Variants in SLIT3 observed in about 807,000 individuals in gnomAD.
SLIT3 encodes slit guidance ligand 3, also known as slit homolog 3 protein.
SLIT3 carries 68 observed loss-of-function variants against 184.0 expected under a neutral mutation model. The ratio of observed to expected loss-of-function variants is 0.37; its 90% CI spans 0.30 to 0.45. The LOEUF (loss-of-function observed/expected upper bound fraction) is 0.45. SLIT3 is among the 20% of genes least tolerant of loss of function. SLIT3 has a pLI of 1.00. For synonymous variants in SLIT3, 831 were observed against 828.6 expected (o/e 1.00, Z -0.05); for missense variants, 1,707 against 2,026.0 (o/e 0.84, Z 3.02).
rs184951894 is a variant in SLIT3, at chr5:169,002,827, T to C, written c.414-119491A>G. On this transcript the variant is annotated intron_variant, in intron 4 of 35. Coordinates refer to ENST00000519560, the MANE Select transcript of SLIT3 (RefSeq NM_003062.4). ...CTGTTTACTTGTTTTACCTTATCCA[T>C]TAATGACTCTTATTTAAACATCTGT... 2.0e-5 allele frequency among the ~76,000 whole-genome samples: 3 copies of C among 152,392 alleles called. No homozygotes were observed. The East Asian group carries it at 5.8e-4, about 29-fold the overall frequency.
At chr5:168,672,644 T>G (rs945616929) in intron 33 of SLIT3, among the ~76,000 whole-genome samples, 1 of 152,030 alleles carries the variant, frequency 6.6e-6, no homozygotes, top group Non-Finnish European at 1.5e-5. Flanking sequence ...CCCAGCTAAT[T>G]TAAATATTTT....
At chr5:168,716,516 CTA>C (rs1480026567) in intron 23 of SLIT3, among the ~76,000 whole-genome samples, 3 of 152,256 alleles carry the variant, frequency 2.0e-5, no homozygotes, top group Non-Finnish European at 4.4e-5. Flanking sequence ...GACTCCTCCT[CTA>C]TGTTTTTGAG....
At chr5:168,997,143 C>A (rs1056067378) in intron 4 of SLIT3, among the ~76,000 whole-genome samples, 15 of 152,212 alleles carry the variant, frequency 9.9e-5, no homozygotes, top group African/African-American at 3.6e-4. Flanking sequence ...ATCGCGTGCC[C>A]CTTCTCTAAG....
At position 169,073,125 on chromosome 5, in the gene SLIT3, T is replaced by C. The variant is rs182829949; in HGVS notation, c.413+120354A>G. On this transcript the variant is annotated intron_variant, in intron 4 of 35. Transcript: ENST00000519560. ...CCTTGTGATGCTTTTCTTTGAAGGC[T>C]CCTTTTCATACACCGCCACCTCTCT... Among the ~76,000 whole-genome samples, 154 of 152,312 alleles carry C rather than the reference T, an allele frequency of 1.0e-3. 2 individuals carry two copies. The highest frequency in any genetic ancestry group is 2.7e-3 in the Admixed American group (42 of 15,298).
intron 4 of SLIT3, among the ~76,000 whole-genome samples, chr5:169,191,708 G>T (rs147599757): frequency 1.3e-5 from 2 of 151,976 alleles, no homozygotes; most frequent in African/African-American, 4.8e-5. Context: ...CCATGCCCAC[G>T]TGCCTGGCTC....
chr5:168,726,208 G>GCATT (rs907549571), intron 20 of SLIT3, among the ~76,000 whole-genome samples: 4 of 151,602 alleles, frequency 2.6e-5, no homozygotes, highest in African/African-American at 9.7e-5. Context: ...CAAGAGAAAT[G>GCATT]CATTCATTCA....
At chr5:169,191,500 T>G (rs1471738447) in intron 4 of SLIT3, among the ~76,000 whole-genome samples, 1 of 152,202 alleles carries the variant, frequency 6.6e-6, no homozygotes, top group East Asian at 1.9e-4. Flanking sequence ...TAATAATAGT[T>G]GTCTTGGTGC....
intron 4 of SLIT3, among the ~76,000 whole-genome samples, chr5:169,173,219 T>C (rs1429818928): frequency 6.6e-6 from 1 of 152,100 alleles, no homozygotes; most frequent in African/African-American, 2.4e-5. Context: ...CAAGATCGCG[T>C]CTTTGCACTC....
chr5:169,042,898 C>T (rs1757494936), intron 4 of SLIT3, among the ~76,000 whole-genome samples: 1 of 152,138 alleles, frequency 6.6e-6, no homozygotes, highest in Non-Finnish European at 1.5e-5. Flanking sequence ...AGAGGGCTTA[C>T]TATCGGCTTC....
chr5:168,798,425 C>T (rs1039011982), intron 9 of SLIT3, among the ~76,000 whole-genome samples: 2 of 151,868 alleles, frequency 1.3e-5, no homozygotes, highest in African/African-American at 4.8e-5. Flanking sequence ...AGAGGGGTCT[C>T]ACTATGTTGG....
At chr5:168,726,389 G>C (rs1344775650) in intron 20 of SLIT3, among the ~76,000 whole-genome samples, 1 of 63,706 alleles carries the variant, frequency 1.6e-5, no homozygotes, top group Admixed American at 1.6e-4. Context: ...AGGGAGGCAG[G>C]GAGGCAGAGG....
chr5:169,085,657 C>G (rs780547025), intron 4 of SLIT3, among the ~76,000 whole-genome samples: 9 of 152,166 alleles, frequency 5.9e-5, no homozygotes, highest in Non-Finnish European at 1.3e-4. Flanking sequence ...TGTCAATACC[C>G]AAACCCAACA....
chr5:169,211,420 CA>C (rs1352079213), intron 3 of SLIT3, among the ~76,000 whole-genome samples: 2 of 152,120 alleles, frequency 1.3e-5, no homozygotes, highest in Non-Finnish European at 2.9e-5. Flanking sequence ...CCACATCACT[CA>C]GAGTAAAAGT....
At chr5:169,078,225 T>A (rs1249246644) in intron 4 of SLIT3, among the ~76,000 whole-genome samples, 1 of 152,164 alleles carries the variant, frequency 6.6e-6, no homozygotes, top group East Asian at 1.9e-4. Context: ...ATGCAATGTC[T>A]CCCCAGGCCC....
At chr5:169,114,717 C>T (rs1412130937) in intron 4 of SLIT3, among the ~76,000 whole-genome samples, 1 of 152,218 alleles carries the variant, frequency 6.6e-6, no homozygotes, top group Non-Finnish European at 1.5e-5. Context: ...CTGTCCTCCT[C>T]CTTGGTGTTC....
intron 1 of SLIT3, among the ~76,000 whole-genome samples, chr5:169,288,445 T>C (rs539578062): frequency 6.6e-6 from 1 of 152,326 alleles, no homozygotes; most frequent in South Asian, 2.1e-4. Context: ...GGGGGCTTGC[T>C]TTCATCAATG....
At chr5:169,171,166 G>A (rs1376843526) in intron 4 of SLIT3, among the ~76,000 whole-genome samples, 1 of 152,232 alleles carries the variant, frequency 6.6e-6, no homozygotes, top group Non-Finnish European at 1.5e-5. Context: ...ACTGATTGAG[G>A]AGGATTTGAA....
intron 4 of SLIT3, among the ~76,000 whole-genome samples, chr5:169,013,660 A>G (rs1756249308): frequency 6.6e-6 from 1 of 152,128 alleles, no homozygotes; most frequent in African/African-American, 2.4e-5. Flanking sequence ...ATGTGGAATT[A>G]AACCCGGGCT....
At chr5:168,916,476 C>T (rs1037074102) in intron 4 of SLIT3, among the ~76,000 whole-genome samples, 1 of 152,344 alleles carries the variant, frequency 6.6e-6, no homozygotes, top group Non-Finnish European at 1.5e-5. Context: ...GCCCTGCAGG[C>T]GCCAAGCACG....
Sources: allele counts gnomAD v4.1 joint callset (sites outside exome capture counted in the v4.1 genomes callset), GRCh38; gene constraint gnomAD v4.1.1; transcripts MANE v1.5; gene names NCBI Gene and HGNC (gene_info 2026-07-23, HGNC 2026-07-21).